The following ULK2 variants were observed in gnomAD, a reference collection of about 807,000 sequenced individuals.
The protein encoded by ULK2 is serine/threonine-protein kinase ULK2.
ULK2 carries 76 observed loss-of-function variants against 127.5 expected under a neutral mutation model. That is an observed-to-expected ratio of 0.60 (90% confidence interval 0.50 to 0.72). The LOEUF is 0.72. Ranked by LOEUF, ULK2 falls within the 30% of genes least tolerant of loss-of-function variation. ULK2 has a pLI of 0.00. For missense variants in ULK2, 1,144 were observed against 1,295.9 expected (o/e 0.88, Z 1.80); for synonymous variants, 452 against 461.9 (o/e 0.98, Z 0.28).
Position 19,772,625 on chromosome 17 carries a change from G to A in ULK2, c.*3724C>T, listed in dbSNP as rs942832978. 5.9e-5 allele frequency: 9 copies of A among 152,188 alleles called. No individual in the cohort carries two copies. In the East Asian group the frequency reaches 1.2e-3, roughly 20 times the overall value. 9.4% of individuals were successfully genotyped at this position (152,188 alleles called of 1,614,324 possible). A position where few individuals can be genotyped will look rare whatever the true frequency, so the allele number is the denominator to read the frequency against. On this transcript the variant is annotated 3_prime_UTR_variant, in exon 27 of 27. Coordinates refer to ENST00000395544, the MANE Select transcript of ULK2 (RefSeq NM_014683.4). ...ATTTAAGACTGCTTATAGAAAATAC[G>A]AGGGAGCATAGTTTAAAAAGTGTGA...
chr17:19,817,812 G>T (rs1264615058), intron 12 of ULK2, among the ~76,000 whole-genome samples: 1 of 152,118 alleles, frequency 6.6e-6, no homozygotes. Flanking sequence ...GTTCACTGCT[G>T]CTGCTCCTTT....
At chr17:19,815,861 T>A (rs1051211917) in intron 13 of ULK2, among the ~76,000 whole-genome samples, 18 of 151,766 alleles carry the variant, frequency 1.2e-4, no homozygotes, top group African/African-American at 4.1e-4. Flanking sequence ...ATAACAAAAT[T>A]TAAAAAAAAG....
intron 20 of ULK2, among the ~76,000 whole-genome samples, chr17:19,788,992 C>T (rs2087094732): frequency 1.3e-5 from 2 of 152,200 alleles, no homozygotes; most frequent in Admixed American, 6.5e-5. Flanking sequence ...CATCTCTGGA[C>T]ATGCCTGGTG....
At chr17:19,786,971 T>C (rs1185352543) in intron 20 of ULK2, among the ~76,000 whole-genome samples, 2 of 151,596 alleles carry the variant, frequency 1.3e-5, no homozygotes, top group Non-Finnish European at 2.9e-5. Flanking sequence ...GTCAGGTCTA[T>C]AGCATATAGA....
intron 10 of ULK2, among the ~76,000 whole-genome samples, chr17:19,835,153 C>CT (rs61210380): frequency 1.3e-4 from 19 of 146,568 alleles, no homozygotes; most frequent in Middle Eastern, 3.5e-3. Context: ...GTTTTTGTTT[C>CT]TTTTTTTTTT....
At chr17:19,789,087 G>C (rs139715842) in intron 20 of ULK2, among the ~76,000 whole-genome samples, 2 of 152,140 alleles carry the variant, frequency 1.3e-5, no homozygotes, top group Non-Finnish European at 2.9e-5. Context: ...GGGCTTGAGC[G>C]AACATAGGTA....
intron 13 of ULK2, among the ~76,000 whole-genome samples, chr17:19,814,440 T>TATATATATATATATATATACACATATATA (rs1567696572): frequency 4.2e-4 from 3 of 7,072 alleles, no homozygotes; most frequent in African/African-American, 1.1e-3. Flanking sequence ...ATATATATAT[T>TATATATATATATATATATACACATATATA]TTTTTTTTTT....
Position 19,782,079 on chromosome 17 carries a change from T to C in ULK2, c.2461-12A>G. 6.2e-7 allele frequency: 1 copy of C among 1,612,018 alleles called. No homozygotes were observed. Among genetic ancestry groups the C allele is most frequent in the East Asian group, 2.2e-5 (1 of 44,862 alleles). ...TCTGTGTGTTCCCGCTGCAGCAAAG[T>C]CAATTTGTCTTAGAAAATTTCAGAT... On this transcript the variant is annotated splice_polypyrimidine_tract_variant and intron_variant, in intron 22 of 26. Coordinates refer to ENST00000395544, the MANE Select transcript of ULK2 (RefSeq NM_014683.4).
intron 20 of ULK2, among the ~76,000 whole-genome samples, chr17:19,795,403 G>T (rs537764362): frequency 1.6e-5 from 2 of 128,684 alleles, no homozygotes; most frequent in Admixed American, 1.7e-4. Context: ...CATTAGTAAC[G>T]CACAGGCTGC....
intron 19 of ULK2, 81 bp downstream of exon 19, chr17:19,796,014 T>G (rs750533951): frequency 4.6e-6 from 7 of 1,528,038 alleles, no homozygotes; most frequent in Non-Finnish European, 6.2e-6. Context: ...ACTAATGTAG[T>G]CTTGCTGCTT....
chr17:19,818,128 C>T (rs1290500586), intron 12 of ULK2, among the ~76,000 whole-genome samples: 2 of 152,050 alleles, frequency 1.3e-5, no homozygotes, highest in African/African-American at 4.8e-5. Context: ...CGAGACCATC[C>T]TGGCTAACAT....
At chr17:19,778,250 C>T (rs2086849259) in intron 25 of ULK2, among the ~76,000 whole-genome samples, 1 of 152,210 alleles carries the variant, frequency 6.6e-6, no homozygotes, top group African/African-American at 2.4e-5. Flanking sequence ...GAGGGAGATA[C>T]AGTCCTGCAA....
At chr17:19,822,973 A>C in intron 12 of ULK2, among the ~76,000 whole-genome samples, 1 of 148,088 alleles carries the variant, frequency 6.8e-6, no homozygotes. Flanking sequence ...GGCGTGAGTC[A>C]CCACACCCAG....
chr17:19,829,443 G>A (rs2041375896), intron 10 of ULK2, among the ~76,000 whole-genome samples: 4 of 147,102 alleles, frequency 2.7e-5, no homozygotes, highest in African/African-American at 1.0e-4. Flanking sequence ...GGGCAGAGGT[G>A]AGAGGATCAC....
intron 13 of ULK2, among the ~76,000 whole-genome samples, chr17:19,815,823 G>A (rs1184636118): frequency 6.6e-6 from 1 of 151,954 alleles, no homozygotes; most frequent in Non-Finnish European, 1.5e-5. Context: ...CCTGCACGTT[G>A]TGCACATGTA....
chr17:19,844,872 G>A (rs1597802573), intron 7 of ULK2, among the ~76,000 whole-genome samples: 2 of 152,270 alleles, frequency 1.3e-5, no homozygotes, highest in South Asian at 4.2e-4. Context: ...TATTTCAGCT[G>A]TGTGAGGCTA....
At chr17:19,851,691 A>G (rs1481503518) in intron 3 of ULK2, among the ~76,000 whole-genome samples, 1 of 151,964 alleles carries the variant, frequency 6.6e-6, no homozygotes, top group Non-Finnish European at 1.5e-5. Context: ...GACACAAAAC[A>G]GTTTCTTCTT....
At chr17:19,845,523 A>G in intron 6 of ULK2, 146 bp from the exon 7 acceptor site, 1 of 585,624 alleles carries the variant, frequency 1.7e-6, no homozygotes, top group Middle Eastern at 4.1e-4. Flanking sequence ...CCAAAAAAAA[A>G]GTAGCTACCT....
In ULK2 at chr17:19,783,702, T is replaced by G. The variant is rs1204327637; in HGVS notation, c.2455A>C (p.Met819Leu). 6.5e-7 allele frequency: 1 copy of G among 1,526,880 alleles called. No homozygotes were observed. The highest frequency in any genetic ancestry group is 8.8e-7 in the Non-Finnish European group (1 of 1,135,214). The allele number at this position is 1,526,880 out of a possible 1,614,324, so 94.6% of individuals were successfully genotyped here. The change falls in exon 22 of 27, where the codon ATG (methionine) becomes CTG (leucine). Residue 819 changes from methionine (M) to leucine (L), a missense_variant. Transcript: ENST00000395544. ...EAPELPEETLMEREHTDTLRH... is the reference protein window; with the variant it reads ...EAPELPEETLLEREHTDTLRH... ...CACTATAGTCTCTTTTCTACCTCCA[T>G]CAGCGTCTCCTCCGGCAGTTCAGGG...
Sources: gnomAD v4.1 joint callset for allele counts (sites outside exome capture counted in the v4.1 genomes callset) on GRCh38, gnomAD v4.1.1 for gene constraint, MANE v1.5 for transcripts, NCBI Gene and HGNC (gene_info 2026-07-23, HGNC 2026-07-21) for gene names.